Variants in PSMD1 observed in about 807,000 individuals in gnomAD.
The protein encoded by PSMD1 is 26S proteasome non-ATPase regulatory subunit 1.
PSMD1 carries 18 observed loss-of-function variants against 119.0 expected under a neutral mutation model. That is an observed-to-expected ratio of 0.15 (90% confidence interval 0.10 to 0.22). The LOEUF is 0.22. Ranked by LOEUF, PSMD1 falls within the 10% of genes least tolerant of loss-of-function variation. The probability of loss-of-function intolerance (pLI) is 1.00; values close to 1 mark genes in which losing one functional copy is unlikely to be tolerated. For synonymous variants in PSMD1, 374 were observed against 396.6 expected, an observed-to-expected ratio of 0.94 and a Z score of 0.68; for missense variants, 702 against 1,158.5, an observed-to-expected ratio of 0.61 and a Z score of 5.72.
intron 5 of PSMD1, among the ~76,000 whole-genome samples, chr2:231,068,323 G>A (rs1400444526): frequency 1.3e-5 from 2 of 152,160 alleles, no homozygotes; most frequent in Non-Finnish European, 2.9e-5. Context: ...AATGGCCCTT[G>A]TTTCCCTCTC....
chr2:231,109,352 T>C (rs1192253941), intron 16 of PSMD1: 1 of 1,613,984 alleles, frequency 6.2e-7, no homozygotes, highest in Non-Finnish European at 8.5e-7. Flanking sequence ...ACAAGTGATA[T>C]TGTTTGGGTT....
intron 19 of PSMD1, among the ~76,000 whole-genome samples, chr2:231,156,031 T>C (rs1696498507): frequency 6.6e-6 from 1 of 152,160 alleles, no homozygotes; most frequent in Admixed American, 6.5e-5. Context: ...ATTTACATTG[T>C]CTTCAGAAAT....
In PSMD1 at chr2:231,170,592, G is replaced by A. The variant is rs778780483; in HGVS notation, c.2742G>A (p.Leu914=). The A allele has an allele frequency of 6.2e-7, 1 of 1,613,808 alleles. No homozygotes were observed. The highest frequency in any genetic ancestry group is 2.2e-5 in the East Asian group (1 of 44,874). The change falls in exon 24 of 25, where the codon CTG becomes CTA. Residue 914 remains leucine (L), a synonymous_variant. Transcript: ENST00000308696. This position sits in a 1 kb window ranked among gnomAD's most constrained non-coding sequence, Gnocchi z 4.1. ...KPLSIGGIII[L]KDTSEDIEEL... is the part of the protein sequence containing the mutation. ...TCTCTATTGGAGGCATCATCATTCT[G>A]AAGGATACCAGTGAAGACATTGAGG...
rs199558636 is a variant in PSMD1 at position 231,137,554 on chromosome 2, AC to A, written c.1884-1181del. ...TTTCTTTCTTTTTTTTGTAATTTCA[AC>A]TTTTATCTTAGATTCTGGGGGTACA... On this transcript the variant is annotated intron_variant, in intron 16 of 24. Transcript: ENST00000308696. Among the ~76,000 whole-genome samples, 1,244 of 151,782 alleles carry A rather than the reference AC, an allele frequency of 8.2e-3. 22 individuals are homozygous for A. The highest frequency in any genetic ancestry group is 0.029 in the African/African-American group (1,191 of 41,384).
intron 16 of PSMD1, among the ~76,000 whole-genome samples, chr2:231,104,891 A>G (rs1309699253): frequency 1.3e-5 from 2 of 152,128 alleles, no homozygotes; most frequent in African/African-American, 4.8e-5. Context: ...CTGTCGTAGC[A>G]TGCTCTCCAT....
chr2:231,075,633 G>A (rs560603085), intron 8 of PSMD1, 62 bp downstream of exon 8: 765 of 1,481,638 alleles, frequency 5.2e-4, no homozygotes, highest in Non-Finnish European at 6.8e-4. Flanking sequence ...AGGCTAGAAC[G>A]CAGTGGCGCG....
chr2:231,147,901 T>C (rs1039804709), intron 18 of PSMD1, among the ~76,000 whole-genome samples: 1 of 152,148 alleles, frequency 6.6e-6, no homozygotes, highest in Non-Finnish European at 1.5e-5. Flanking sequence ...TTTCCGGAAC[T>C]CATTGATTAT....
intron 19 of PSMD1, among the ~76,000 whole-genome samples, chr2:231,157,403 T>C (rs923821609): frequency 2.0e-5 from 3 of 151,142 alleles, no homozygotes; most frequent in African/African-American, 7.3e-5. Context: ...TCCTTCCTCT[T>C]TCAGCCTCTG....
chr2:231,123,193 G>T (rs1236399319), intron 16 of PSMD1, among the ~76,000 whole-genome samples: 1 of 152,068 alleles, frequency 6.6e-6, no homozygotes, highest in Non-Finnish European at 1.5e-5. Flanking sequence ...GATAGCTTAG[G>T]AGGGAGAAAA....
At chr2:231,126,211 C>A (rs1695714904) in intron 16 of PSMD1, among the ~76,000 whole-genome samples, 1 of 152,004 alleles carries the variant, frequency 6.6e-6, no homozygotes, top group African/African-American at 2.4e-5. Flanking sequence ...CCAGCTTGGG[C>A]AACATGGCAA....
chr2:231,058,926 CTTGT>C (rs1693685828), intron 1 of PSMD1, among the ~76,000 whole-genome samples: 1 of 151,916 alleles, frequency 6.6e-6, no homozygotes, highest in African/African-American at 2.4e-5. Context: ...CTGTAATTGC[CTTGT>C]TTGTTTACTT....
chr2:231,070,642 T>C (rs1432201880), intron 6 of PSMD1, among the ~76,000 whole-genome samples: 1 of 152,090 alleles, frequency 6.6e-6, no homozygotes, highest in African/African-American at 2.4e-5. Flanking sequence ...ATTCAGATGG[T>C]ACAGAAAATA....
chr2:231,057,331 G>A (rs1015906409), intron 1 of PSMD1, among the ~76,000 whole-genome samples: 3 of 152,170 alleles, frequency 2.0e-5, no homozygotes, highest in Admixed American at 6.5e-5. Context: ...CCCCAGAAGG[G>A]CTTACCTTTT....
chr2:231,134,866 A>G (rs1364298106), intron 16 of PSMD1, among the ~76,000 whole-genome samples: 1 of 152,214 alleles, frequency 6.6e-6, no homozygotes, highest in African/African-American at 2.4e-5. Context: ...AGCTTGGTGT[A>G]TTTCCTAGTG....
At chr2:231,122,238 A>G (rs896679097) in intron 16 of PSMD1, among the ~76,000 whole-genome samples, 2 of 152,246 alleles carry the variant, frequency 1.3e-5, no homozygotes, top group Admixed American at 1.3e-4. Flanking sequence ...TTTAAAGCCC[A>G]GGTAAATGTT....
chr2:231,066,021 T>C (rs140180347), intron 4 of PSMD1, among the ~76,000 whole-genome samples: 1 of 152,346 alleles, frequency 6.6e-6, no homozygotes, highest in East Asian at 1.9e-4. Context: ...AATACACTAA[T>C]ATGCTATACA....
rs192393984 is a variant in PSMD1 at position 231,077,230 on chromosome 2, T to A, written c.1071+68T>A. ...GTTCTTTGTTGCATATAAGTAATTA[T>A]ATTTATTTCTTGTTGGATACTTTCT... On this transcript the variant is annotated intron_variant, in intron 9 of 24. Coordinates refer to ENST00000308696, the MANE Select transcript of PSMD1 (RefSeq NM_002807.4). 741 of 1,103,928 alleles carry A rather than the reference T, an allele frequency of 6.7e-4. 9 individuals are homozygous for A. The Admixed American group carries it at 0.023, about 34-fold the overall frequency. The allele number at this position is 1,103,928 out of a possible 1,614,324, so 68.4% of individuals were successfully genotyped here. A position where few individuals can be genotyped will look rare whatever the true frequency, so the allele number is the denominator to read the frequency against.
intron 16 of PSMD1, among the ~76,000 whole-genome samples, chr2:231,121,512 GTA>G (rs1574750297): frequency 6.6e-6 from 1 of 152,114 alleles, no homozygotes; most frequent in East Asian, 1.9e-4. Context: ...CTGCTAACTT[GTA>G]TTGCTAAGGA....
chr2:231,077,744 G>GA (rs1694202750), intron 9 of PSMD1, among the ~76,000 whole-genome samples: 1 of 152,220 alleles, frequency 6.6e-6, no homozygotes, highest in Admixed American at 6.5e-5. Flanking sequence ...TATATAACAT[G>GA]AAAAATCTTC....
Sources: gnomAD v4.1 joint callset for allele counts (sites outside exome capture counted in the v4.1 genomes callset) on GRCh38, gnomAD v4.1.1 for gene constraint, Gnocchi (gnomAD v3.1) non-coding constraint, MANE v1.5 for transcripts, NCBI Gene and HGNC (gene_info 2026-07-23, HGNC 2026-07-21) for gene names.